Variants in PCDHGB5 observed in about 807,000 individuals in gnomAD.
PCDHGB5 encodes the protein protocadherin gamma-B5.
In PCDHGB5, 48 loss-of-function variants were observed where a neutral mutation model predicts 62.9. That is an observed-to-expected ratio of 0.76 (90% CI 0.61 to 0.97). The LOEUF is 0.97. Ranked by LOEUF, PCDHGB5 falls within the 50% of genes least tolerant of loss-of-function variation. The probability of loss-of-function intolerance (pLI) is 0.00; values close to 1 mark genes in which losing one functional copy is unlikely to be tolerated. For synonymous variants in PCDHGB5, 474 were observed against 511.2 expected, an observed-to-expected ratio of 0.93 and a Z score of 0.98; for missense variants, 1,118 against 1,198.6, an observed-to-expected ratio of 0.93 and a Z score of 0.99.
At chr5:141,418,535 G>GC in intron 1 of PCDHGB5, 1 of 1,614,002 alleles carries the variant, frequency 6.2e-7, no homozygotes, top group Non-Finnish European at 8.5e-7. Context: ...AAGCGGTACT[G>GC]CTCAGATAAG....
rs753581561 is a variant in PCDHGB5, at chr5:141,485,195, T to G, written c.2398-9612T>G. 2.2e-5 allele frequency: 36 copies of G among 1,613,912 alleles called. No homozygotes were observed. Among genetic ancestry groups the G allele is most frequent in the Non-Finnish European group, 1.4e-5 (16 of 1,179,906 alleles). ...AGCAATGCTCCGCAAGGTGAGAAGC[T>G]GGACAGAAATCTGGCGGTGGGCTAC... is the stretch of plus-strand genomic sequence containing the variant. On this transcript the variant is annotated intron_variant, in intron 1 of 3. Transcript: ENST00000617380. The surrounding 1 kb of genome is among the most constrained non-coding windows in gnomAD (Gnocchi z 5.7).
intron 2 of PCDHGB5, among the ~76,000 whole-genome samples, chr5:141,503,432 TA>T (rs1423418926): frequency 6.6e-6 from 1 of 151,668 alleles, no homozygotes; most frequent in African/African-American, 2.4e-5. Flanking sequence ...CCATCTCTAC[TA>T]AAAATACAAA....
chr5:141,403,741 T>G, intron 1 of PCDHGB5: 1 of 1,613,906 alleles, frequency 6.2e-7, no homozygotes. Context: ...GGCTGCTTAC[T>G]GCAACAGCCA....
chr5:141,433,358 C>T (rs974347696), intron 1 of PCDHGB5: 20 of 503,934 alleles, frequency 4.0e-5, no homozygotes, highest in African/African-American at 3.1e-4. Flanking sequence ...CTACTGTCTG[C>T]CTATCTATCT....
rs1221067458 is a variant in PCDHGB5 at position 141,491,658 on chromosome 5, C to T, written c.2398-3149C>T. The T allele has an allele frequency of 3.1e-6, 5 of 1,613,822 alleles. No individual in the cohort carries two copies. The highest frequency in any genetic ancestry group is 2.2e-5 in the South Asian group (2 of 91,088). Reference sequence around the variant, plus strand: ...CCACAGCTCTGGCGCTGGAGCCTGACGCCATCCGGTCCCGCTCTAATACGC... The same window carrying T: ...CCACAGCTCTGGCGCTGGAGCCTGATGCCATCCGGTCCCGCTCTAATACGC... On this transcript the variant is annotated intron_variant, in intron 1 of 3. Coordinates refer to ENST00000617380, the MANE Select transcript of PCDHGB5 (RefSeq NM_018925.3). The surrounding 1 kb of genome is among the most constrained non-coding windows in gnomAD (Gnocchi z 6.9).
Position 141,400,255 on chromosome 5 carries a change from C to T in PCDHGB5, c.2128C>T (p.Arg710Cys). 6.2e-7 allele frequency: 1 copy of T among 1,614,046 alleles called. No homozygotes were observed. Among genetic ancestry groups the T allele is most frequent in the Non-Finnish European group, 8.5e-7 (1 of 1,179,904 alleles). The change falls in exon 1 of 4, where the codon CGC (arginine) becomes TGC (cysteine). Residue 710 changes from arginine to cysteine, a missense_variant. Physicochemically the swap from Arg to Cys is radical, Grantham distance 180. Coordinates refer to ENST00000617380, the MANE Select transcript of PCDHGB5 (RefSeq NM_018925.3). ...LLAVILAVAL[R>C]LRRSSSPAAW... ...GGCCGTGATTCTGGCCGTTGCCTTG[C>T]GCCTGCGACGCTCCTCCAGCCCTGC...
At chr5:141,495,175 C>T (rs1337353259) in intron 2 of PCDHGB5, among the ~76,000 whole-genome samples, 1 of 152,182 alleles carries the variant, frequency 6.6e-6, no homozygotes, top group Admixed American at 6.5e-5. Context: ...TGGGTGAAAG[C>T]GAGGCTTTCT....
intron 1 of PCDHGB5, chr5:141,405,493 C>T: frequency 1.2e-6 from 1 of 841,642 alleles, no homozygotes; most frequent in Middle Eastern, 3.1e-4. Flanking sequence ...GATCTCGGCT[C>T]ATTGCAACCT....
chr5:141,440,401 C>T (rs1023628115), intron 1 of PCDHGB5: 4 of 152,088 alleles, frequency 2.6e-5, no homozygotes, highest in African/African-American at 7.3e-5. Context: ...GAGAGGCAAT[C>T]GCACCACTGC....
At chr5:141,460,961 ATGTGTG>A (rs35821115) in intron 1 of PCDHGB5, among the ~76,000 whole-genome samples, 6 of 144,616 alleles carry the variant, frequency 4.1e-5, no homozygotes, top group South Asian at 4.4e-4. Flanking sequence ...GTATATATAT[ATGTGTG>A]TGTGTGTGTG....
intron 2 of PCDHGB5, among the ~76,000 whole-genome samples, chr5:141,500,877 A>AT (rs369345007): frequency 0.053 from 6,532 of 122,188 alleles, 326 homozygotes; most frequent in Admixed American, 0.19. Context: ...TTCATTTACA[A>AT]TTTTTTTTTT....
chr5:141,398,884 G>C lies in PCDHGB5; in HGVS notation c.757G>C (p.Glu253Gln). The change falls in exon 1 of 4, where the codon GAA (glutamate) becomes CAA (glutamine). Residue 253 changes from glutamate (E) to glutamine (Q), a missense_variant. By Grantham distance (29) the Glu-to-Gln change is conservative (BLOSUM62 2). This residue lies in a region of PCDHGB5 where 1,034 missense variants were observed against 1,029.1 expected (regional missense o/e 1.00). Transcript: ENST00000617380. ...NRDVYRVSLR[E>Q]NVPPGTTVLQ... ...AGACGTGTACAGAGTCAGCCTTCGGGAAAACGTGCCACCAGGCACCACTGT... is the reference window on the plus strand; with the variant it reads ...AGACGTGTACAGAGTCAGCCTTCGGCAAAACGTGCCACCAGGCACCACTGT... 6.2e-7 allele frequency: 1 copy of C among 1,613,952 alleles called. No homozygotes were observed. The highest frequency in any genetic ancestry group is 8.5e-7 in the Non-Finnish European group (1 of 1,179,886).
chr5:141,433,222 A>G, intron 1 of PCDHGB5: 6 of 1,519,556 alleles, frequency 3.9e-6, no homozygotes, highest in Non-Finnish European at 5.4e-6. Flanking sequence ...TTTTTTTTTA[A>G]TTGCTCTGTC....
intron 1 of PCDHGB5, chr5:141,421,335 G>A (rs2096564985): frequency 1.2e-6 from 2 of 1,613,944 alleles, no homozygotes; most frequent in Non-Finnish European, 8.5e-7. Context: ...GATATTCGGT[G>A]CCAGAAGAGA....
Position 141,432,097 on chromosome 5 carries a change from C to T in PCDHGB5, c.2397+31573C>T, listed in dbSNP as rs1428283489. The stretch of plus-strand genomic sequence containing the variant: ...TCTCGCTGAACGTGGCAGACACCAA[C>T]GACAACCCGCCGGTCTTCCCTCAGG... On this transcript the variant is annotated intron_variant, in intron 1 of 3. Transcript: ENST00000617380. This position sits in a 1 kb window ranked among gnomAD's most constrained non-coding sequence, Gnocchi z 6.0. 6 of 1,614,066 alleles carry T rather than the reference C, an allele frequency of 3.7e-6. No individual in the cohort carries two copies. The highest frequency in any genetic ancestry group is 2.7e-5 in the African/African-American group (2 of 74,920).
chr5:141,490,030 C>G lies in PCDHGB5; in HGVS notation c.2398-4777C>G, dbSNP rs1361758608. The G allele has an allele frequency of 1.2e-6, 2 of 1,614,150 alleles. No individual in the cohort carries two copies. Among genetic ancestry groups the G allele is most frequent in the African/African-American group, 2.7e-5 (2 of 74,936 alleles). The stretch of plus-strand genomic sequence containing the variant: ...ACCCATTGGTACTCTGCTGCTCCGC[C>G]TCAATGCCACTGATCCAGACGAGGG... On this transcript the variant is annotated intron_variant, in intron 1 of 3. Coordinates refer to ENST00000617380, the MANE Select transcript of PCDHGB5 (RefSeq NM_018925.3). This position sits in a 1 kb window ranked among gnomAD's most constrained non-coding sequence, Gnocchi z 5.4.
chr5:141,478,204 T>C (rs775367944), intron 1 of PCDHGB5: 7 of 1,613,950 alleles, frequency 4.3e-6, no homozygotes, highest in Middle Eastern at 1.6e-4. Context: ...ATCTACTTCT[T>C]TCTCTAATCC....
In PCDHGB5 at chr5:141,415,612, G is replaced by A. The variant is rs745660439; in HGVS notation, c.2397+15088G>A. 12 of 1,612,854 alleles carry A rather than the reference G, an allele frequency of 7.4e-6. No homozygotes were observed. The South Asian group carries it at 1.2e-4, about 16-fold the overall frequency. ...TATAGAGGATACCCCATTGGTTCCA[G>A]TGAGTTTTATTTTCATTTTTACTTT... On this transcript the variant is annotated intron_variant, in intron 1 of 3. Transcript: ENST00000617380.
At chr5:141,429,378 T>G (rs890583768) in intron 1 of PCDHGB5, among the ~76,000 whole-genome samples, 3 of 105,336 alleles carry the variant, frequency 2.8e-5, no homozygotes, top group African/African-American at 5.2e-5. Flanking sequence ...AGAAAATGTG[T>G]TTTTTTTTTA....
Sources: gnomAD v4.1 joint callset for allele counts (sites outside exome capture counted in the v4.1 genomes callset) on GRCh38, gnomAD v4.1.1 for gene constraint, gnomAD v4.1.1 regional missense constraint, Gnocchi (gnomAD v3.1) non-coding constraint, MANE v1.5 for transcripts, NCBI Gene and HGNC (gene_info 2026-07-23, HGNC 2026-07-21) for gene names.